Variants in PPARGC1A observed in about 807,000 individuals in gnomAD.
The protein encoded by PPARGC1A is peroxisome proliferator-activated receptor gamma coactivator 1-alpha.
PPARGC1A carries 25 observed loss-of-function variants against 88.7 expected under a neutral mutation model. The observed-to-expected ratio is 0.28, with a 90% confidence interval of 0.21 to 0.39. The LOEUF is 0.39. PPARGC1A is among the 10% of genes least tolerant of loss of function. PPARGC1A has a pLI of 1.00. For missense variants in PPARGC1A, 880 were observed against 968.7 expected, an observed-to-expected ratio of 0.91 and a Z score of 1.22; for synonymous variants, 363 against 355.6, an observed-to-expected ratio of 1.02 and a Z score of -0.24.
At chr4:23,975,527 C>T in the PPARGC1A span, among the ~76,000 whole-genome samples, 1 of 152,048 alleles carries the variant, frequency 6.6e-6, no homozygotes, top group East Asian at 1.9e-4. Context: ...AAGCAATTCT[C>T]GTTCCTCAAC....
At chr4:24,435,034 C>T in the PPARGC1A span, among the ~76,000 whole-genome samples, 4 of 152,142 alleles carry the variant, frequency 2.6e-5, no homozygotes, top group African/African-American at 7.2e-5. Flanking sequence ...GACACAGAAA[C>T]GTCCCTTCTT....
intron 10 of PPARGC1A, among the ~76,000 whole-genome samples, chr4:23,807,522 G>C (rs1225392107): frequency 2.0e-5 from 3 of 152,056 alleles, no homozygotes; most frequent in Non-Finnish European, 2.9e-5. Flanking sequence ...TGGTAAGTCA[G>C]AAAACATGAA....
the PPARGC1A span, among the ~76,000 whole-genome samples, chr4:24,352,672 C>T: frequency 6.6e-6 from 1 of 152,186 alleles, no homozygotes; most frequent in Non-Finnish European, 1.5e-5. Context: ...CTTATATCCC[C>T]AAACGTCCCA....
upstream of PPARGC1A, among the ~76,000 whole-genome samples, chr4:23,892,214 T>C (rs528379515): frequency 6.6e-6 from 1 of 152,320 alleles, no homozygotes; most frequent in South Asian, 2.1e-4. Flanking sequence ...TGCCATCTAA[T>C]TCTACTTCTA....
At chr4:24,227,131 C>G in the PPARGC1A span, among the ~76,000 whole-genome samples, 1 of 151,904 alleles carries the variant, frequency 6.6e-6, no homozygotes, top group East Asian at 1.9e-4. Context: ...GTTGCCCAGG[C>G]TGGAGTGCAG....
chr4:24,468,285 CT>C, the PPARGC1A span, among the ~76,000 whole-genome samples: 1 of 152,224 alleles, frequency 6.6e-6, no homozygotes, highest in African/African-American at 2.4e-5. Context: ...GCTTGCACTA[CT>C]GCCATCCCTA....
the PPARGC1A span, among the ~76,000 whole-genome samples, chr4:24,356,849 C>A: frequency 1.3e-5 from 2 of 152,176 alleles, no homozygotes; most frequent in African/African-American, 4.8e-5. Flanking sequence ...GATTTAGATT[C>A]AAATGACTGT....
At chr4:23,898,834 ATTT>A (rs34953632) in intron 1 of PPARGC1A, among the ~76,000 whole-genome samples, 29,403 of 133,216 alleles carry the variant, frequency 0.22, 3,780 homozygotes, top group Non-Finnish European at 0.31. Context: ...TGAGGTGGGT[ATTT>A]TTTTTTTTTT....
At chr4:24,088,151 T>G in the PPARGC1A span, among the ~76,000 whole-genome samples, 3 of 151,696 alleles carry the variant, frequency 2.0e-5, no homozygotes, top group Non-Finnish European at 2.9e-5. Flanking sequence ...GAGTTCAAGA[T>G]TAGTCGAGGC....
At chr4:24,140,106 C>T in the PPARGC1A span, among the ~76,000 whole-genome samples, 3 of 152,128 alleles carry the variant, frequency 2.0e-5, no homozygotes, top group Admixed American at 6.6e-5. Flanking sequence ...AGCCAAAACC[C>T]GCCTTTGATG....
At chr4:24,025,953 T>TA in the PPARGC1A span, among the ~76,000 whole-genome samples, 26 of 152,216 alleles carry the variant, frequency 1.7e-4, no homozygotes, top group Non-Finnish European at 1.5e-4. Context: ...TCTTATGAGT[T>TA]ATAAATCTGT....
chr4:24,410,821 T>A, the PPARGC1A span, among the ~76,000 whole-genome samples: 5 of 152,194 alleles, frequency 3.3e-5, no homozygotes, highest in Non-Finnish European at 7.4e-5. Context: ...CTTACACCAG[T>A]GGTTCGCCAG....
At chr4:24,105,839 C>T in the PPARGC1A span, among the ~76,000 whole-genome samples, 7 of 152,250 alleles carry the variant, frequency 4.6e-5, no homozygotes, top group South Asian at 6.2e-4. Flanking sequence ...GGAAGGTTTT[C>T]GGAGAAGAGG....
chr4:24,172,439 C>T, the PPARGC1A span, among the ~76,000 whole-genome samples: 6 of 152,174 alleles, frequency 3.9e-5, no homozygotes, highest in African/African-American at 7.2e-5. Context: ...TCAGACACAA[C>T]GAAGCTGGGA....
the PPARGC1A span, among the ~76,000 whole-genome samples, chr4:24,150,491 T>G: frequency 6.6e-6 from 1 of 152,138 alleles, no homozygotes; most frequent in Non-Finnish European, 1.5e-5. Context: ...ACCTTCACAT[T>G]AAAACTAGAG....
At chr4:24,158,744 T>C in the PPARGC1A span, among the ~76,000 whole-genome samples, 1 of 152,184 alleles carries the variant, frequency 6.6e-6, no homozygotes, top group Non-Finnish European at 1.5e-5. Flanking sequence ...TCATGAATAA[T>C]TGAGAAAGGC....
chr4:23,922,868 A>T, the PPARGC1A span, among the ~76,000 whole-genome samples: 1 of 152,112 alleles, frequency 6.6e-6, no homozygotes, highest in Admixed American at 6.5e-5. Context: ...TGGCAAGGTG[A>T]TTTATCACTG....
the PPARGC1A span, among the ~76,000 whole-genome samples, chr4:24,115,801 T>C: frequency 1.6e-4 from 25 of 152,276 alleles, no homozygotes; most frequent in African/African-American, 6.0e-4. Context: ...CCCTTTGGTC[T>C]TCCTCTCTGA....
chr4:23,983,449 G>A, the PPARGC1A span, among the ~76,000 whole-genome samples: 3 of 152,082 alleles, frequency 2.0e-5, no homozygotes, highest in African/African-American at 7.2e-5. Context: ...AACTCATGCT[G>A]GATATGCTAG....
Sources: allele counts gnomAD v4.1 joint callset (sites outside exome capture counted in the v4.1 genomes callset), GRCh38; gene constraint gnomAD v4.1.1; transcripts MANE v1.5; gene names NCBI Gene and HGNC (gene_info 2026-07-23, HGNC 2026-07-21).